CGAS: variants seen among roughly 807,000 people sequenced by gnomAD.
The protein encoded by CGAS is cyclic GMP-AMP synthase.
A neutral mutation model predicts 34.0 loss-of-function variants in CGAS; 31 were observed. The ratio of observed to expected loss-of-function variants is 0.91; its 90% CI spans 0.69 to 1.23. The LOEUF is 1.23. Among genes scored for constraint, CGAS ranks in the 50% most tolerant of loss-of-function variants. CGAS has a pLI of 0.00. For synonymous variants in CGAS, 266 were observed against 260.0 expected, an observed-to-expected ratio of 1.02 and a Z score of -0.22; for missense variants, 597 against 657.6, an observed-to-expected ratio of 0.91 and a Z score of 1.01.
chr6:73,444,286 C>T (rs1231498550), intron 2 of CGAS, among the ~76,000 whole-genome samples: 1 of 142,386 alleles, frequency 7.0e-6, no homozygotes, highest in African/African-American at 2.6e-5. Context: ...CTGCGCCTGG[C>T]CAGATTTTAA....
chr6:73,445,233 A>G lies in CGAS; in HGVS notation c.877+295T>C, dbSNP rs147541366. Among the ~76,000 whole-genome samples the G allele has an allele frequency of 9.9e-5, 15 of 152,064 alleles. No homozygotes were observed. The East Asian group carries it at 2.2e-3, about 22-fold the overall frequency. Reference sequence around the variant, plus strand: ...AATAAATATTCATTGATTATTTCATATAATTTAATCATTTAATTTAATCAA... The same window carrying G: ...AATAAATATTCATTGATTATTTCATGTAATTTAATCATTTAATTTAATCAA... On this transcript the variant is annotated intron_variant, in intron 2 of 4. Transcript: ENST00000370315.
At chr6:73,443,445 G>A (rs1248796904) in intron 2 of CGAS, among the ~76,000 whole-genome samples, 1 of 151,676 alleles carries the variant, frequency 6.6e-6, no homozygotes, top group Non-Finnish European at 1.5e-5. Flanking sequence ...TCACCATCTT[G>A]GCCAGGCTGG....
At position 73,424,565 on chromosome 6, in the gene CGAS, T is replaced by C. The variant is rs1770054450; in HGVS notation, c.*662A>G. On this transcript the variant is annotated 3_prime_UTR_variant, in exon 5 of 5. Transcript: ENST00000370315. ...TTTATTCCAACCTAAAAATGTCATT[T>C]ATTTATTTATTTGCCTGCATGATAA... 6.7e-6 allele frequency: 1 copy of C among 148,880 alleles called. No individual in the cohort carries two copies. Among genetic ancestry groups the C allele is most frequent in the Admixed American group, 6.6e-5 (1 of 15,058 alleles). The allele number at this position is 148,880 out of a possible 1,614,324, so 9.2% of individuals were successfully genotyped here.
chr6:73,426,067 G>T (rs1025900014), intron 4 of CGAS, among the ~76,000 whole-genome samples: 4 of 151,972 alleles, frequency 2.6e-5, no homozygotes, highest in African/African-American at 9.7e-5. Context: ...GGCGGATCAC[G>T]AGGTCAAGAG....
Position 73,425,488 on chromosome 6 carries a change from A to G in CGAS, c.1308T>C (p.Tyr436=), listed in dbSNP as rs910120520. 2.4e-5 allele frequency: 38 copies of G among 1,613,712 alleles called. No homozygotes were observed. The highest frequency in any genetic ancestry group is 1.1e-4 in the East Asian group (5 of 44,898). ...DKKHLDKFSS[Y]HVKTAFFHVC... ...CGTGAAAGAAGGCAGTTTTCACATG[A>G]TAAGAAGAGAATTTATCCAGATGTT... Residue 436 remains tyrosine (Y), a synonymous_variant, in exon 5 of 5, where the codon TAT becomes TAC. Coordinates refer to ENST00000370315, the MANE Select transcript of CGAS (RefSeq NM_138441.3).
Position 73,433,759 on chromosome 6 carries a change from T to C in CGAS, c.1115-4948A>G, listed in dbSNP as rs191025794. 5.2e-3 allele frequency among the ~76,000 whole-genome samples: 762 copies of C among 146,588 alleles called. 5 individuals carry two copies. The highest frequency in any genetic ancestry group is 9.6e-3 in the Middle Eastern group (2 of 208). On this transcript the variant is annotated intron_variant, in intron 3 of 4. Coordinates refer to ENST00000370315, the MANE Select transcript of CGAS (RefSeq NM_138441.3). ...ACCTTGGCCTTCCAAAGTGCTGGGA[T>C]TACAGGCGTGAGCCACCACGCCTGG... is the stretch of plus-strand genomic sequence containing the variant.
intron 3 of CGAS, among the ~76,000 whole-genome samples, chr6:73,435,313 T>C (rs879608269): frequency 6.6e-6 from 1 of 152,244 alleles, no homozygotes; most frequent in Admixed American, 6.5e-5. Context: ...CTTTTTGAGA[T>C]ATCATTTTCT....
chr6:73,448,579 G>A (rs1005524170), intron 1 of CGAS, among the ~76,000 whole-genome samples: 2 of 152,042 alleles, frequency 1.3e-5, no homozygotes, highest in African/African-American at 4.8e-5. Flanking sequence ...ATGTATTTTC[G>A]AGATTTTTTT....
At chr6:73,435,173 C>A (rs1265354870) in intron 3 of CGAS, among the ~76,000 whole-genome samples, 1 of 152,102 alleles carries the variant, frequency 6.6e-6, no homozygotes, top group African/African-American at 2.4e-5. Flanking sequence ...CCAGAAAAAA[C>A]CCCAGGGGAA....
At chr6:73,434,215 A>G (rs1358763172) in intron 3 of CGAS, among the ~76,000 whole-genome samples, 3 of 152,228 alleles carry the variant, frequency 2.0e-5, no homozygotes, top group Admixed American at 6.5e-5. Flanking sequence ...AATTCAACCA[A>G]TCGTGAATTG....
At chr6:73,433,512 C>T (rs1055639722) in intron 3 of CGAS, among the ~76,000 whole-genome samples, 1 of 147,040 alleles carries the variant, frequency 6.8e-6, no homozygotes, top group Non-Finnish European at 1.5e-5. Context: ...TTTTTTGAGA[C>T]GGAGTCTCTC....
intron 3 of CGAS, among the ~76,000 whole-genome samples, chr6:73,439,233 T>G (rs1414637350): frequency 6.6e-6 from 1 of 151,934 alleles, no homozygotes; most frequent in African/African-American, 2.4e-5. Flanking sequence ...TTTCTTTTTT[T>G]TTTTAGACTA....
chr6:73,426,438 A>AT (rs33983249), intron 4 of CGAS, among the ~76,000 whole-genome samples: 3 of 151,400 alleles, frequency 2.0e-5, no homozygotes, highest in Non-Finnish European at 4.4e-5. Context: ...TCAAAAACAC[A>AT]TTTTTTCCCT....
At position 73,423,810 on chromosome 6, in the gene CGAS, C is replaced by CA. The variant is rs559666122; in HGVS notation, c.*1416dup. 3.0e-4 allele frequency: 46 copies of CA among 151,980 alleles called. No individual in the cohort carries two copies. The highest frequency in any genetic ancestry group is 9.2e-4 in the Admixed American group (14 of 15,272). 9.4% of individuals were successfully genotyped at this position (151,980 alleles called of 1,614,324 possible). On this transcript the variant is annotated 3_prime_UTR_variant, in exon 5 of 5. Coordinates refer to ENST00000370315, the MANE Select transcript of CGAS (RefSeq NM_138441.3). ...TTACAATAAACAAAACAATACAAAA[C>CA]AAAAAAACCTTGTTTACTAAAAGAC...
chr6:73,432,312 C>T (rs1010376326), intron 3 of CGAS, among the ~76,000 whole-genome samples: 1 of 151,952 alleles, frequency 6.6e-6, no homozygotes, highest in Admixed American at 6.6e-5. Flanking sequence ...CAGGCATGCG[C>T]CACCATGCCC....
chr6:73,449,344 G>T (rs566238051), intron 1 of CGAS, among the ~76,000 whole-genome samples: 2 of 151,616 alleles, frequency 1.3e-5, no homozygotes, highest in Non-Finnish European at 2.9e-5. Context: ...GCATGGTGGC[G>T]GGCGCCTGTA....
chr6:73,443,095 C>T (rs75594368), intron 2 of CGAS, among the ~76,000 whole-genome samples: 5,069 of 152,154 alleles, frequency 0.033, 115 homozygotes, highest in Non-Finnish European at 0.047. Context: ...CATCACCCCA[C>T]TGACATTTCT....
Position 73,446,785 on chromosome 6 carries a change from C to T in CGAS, c.658-1038G>A, listed in dbSNP as rs140320976. Among the ~76,000 whole-genome samples, 177 of 145,672 alleles carry T rather than the reference C, an allele frequency of 1.2e-3. 6 individuals are homozygous for T. The highest frequency in any genetic ancestry group is 4.1e-3 in the African/African-American group (158 of 38,198). On this transcript the variant is annotated intron_variant, in intron 1 of 4. Coordinates refer to ENST00000370315, the MANE Select transcript of CGAS (RefSeq NM_138441.3). ...AAAAAATCGTCCTTTCAGCCAGGCG[C>T]GGTGGCTCACGCTTGTAATCCCAGT... is the stretch of plus-strand genomic sequence containing the variant.
intron 1 of CGAS, among the ~76,000 whole-genome samples, chr6:73,450,190 G>A (rs1406025825): frequency 6.6e-6 from 1 of 151,934 alleles, no homozygotes. Context: ...GCTGAGGCTG[G>A]CAGATCACCT....
Sources: allele counts gnomAD v4.1 joint callset (sites outside exome capture counted in the v4.1 genomes callset), GRCh38; gene constraint gnomAD v4.1.1; transcripts MANE v1.5; gene names NCBI Gene and HGNC (gene_info 2026-07-23, HGNC 2026-07-21).